Variants in MISFA observed in about 807,000 individuals in gnomAD.
The protein encoded by MISFA is mitochondrial sheath formation-associated protein.
At chr11:18,607,672 G>C in the MISFA span, 1 of 152,390 alleles carries the variant, frequency 6.6e-6, no homozygotes, top group Non-Finnish European at 1.5e-5. Context: ...TGGAAGACAG[G>C]ATTTGGAAAC....
chr11:18,600,199 TTTATTA>T, the MISFA span, among the ~76,000 whole-genome samples: 11 of 152,114 alleles, frequency 7.2e-5, no homozygotes, highest in East Asian at 1.4e-3. Flanking sequence ...TTATTTTTTA[TTTATTA>T]TTATTATTAT....
the MISFA span, chr11:18,601,700 G>T: frequency 2.5e-6 from 1 of 395,144 alleles, no homozygotes; most frequent in Middle Eastern, 6.3e-4. Flanking sequence ...ATAAACCACC[G>T]TGCCTTGCCA....
chr11:18,600,762 C>T, the MISFA span, among the ~76,000 whole-genome samples: 2,446 of 151,980 alleles, frequency 0.016, 56 homozygotes, highest in African/African-American at 0.056. Context: ...CTTCGTGATC[C>T]GCCTGCCTCG....
At chr11:18,604,572 T>C in the MISFA span, among the ~76,000 whole-genome samples, 1 of 150,852 alleles carries the variant, frequency 6.6e-6, no homozygotes, top group Admixed American at 6.6e-5. Context: ...GTGGTTGCAG[T>C]GAGCTGAGAT....
chr11:18,606,683 T>C, the MISFA span: 3 of 411,300 alleles, frequency 7.3e-6, no homozygotes, highest in Admixed American at 3.5e-5. Flanking sequence ...ATTCAATACA[T>C]TGAAAATAAA....
chr11:18,602,604 A>C, the MISFA span: 1 of 152,742 alleles, frequency 6.5e-6, no homozygotes. Flanking sequence ...TATAAAATGA[A>C]AGATTTCTTT....
the MISFA span, among the ~76,000 whole-genome samples, chr11:18,603,495 C>T: frequency 6.6e-6 from 1 of 152,210 alleles, no homozygotes; most frequent in Non-Finnish European, 1.5e-5. Flanking sequence ...CCAAACTTCT[C>T]TCTTCCACAA....
the MISFA span, chr11:18,599,792 C>T: frequency 2.5e-5 from 10 of 393,572 alleles, no homozygotes; most frequent in African/African-American, 2.1e-4. Flanking sequence ...GTTGTGGATC[C>T]TTTGGAGCCA....
At chr11:18,601,301 G>A in the MISFA span, 1 of 397,980 alleles carries the variant, frequency 2.5e-6, no homozygotes, top group Non-Finnish European at 4.4e-6. Context: ...TGTGGAAGGG[G>A]AAATGATTTG....
At chr11:18,609,180 G>T in the MISFA span, 4 of 152,112 alleles carry the variant, frequency 2.6e-5, no homozygotes, top group African/African-American at 9.7e-5. Context: ...ACTTAGAAAA[G>T]AATATTATAC....
chr11:18,604,311 A>ATG, the MISFA span, among the ~76,000 whole-genome samples: 1 of 151,982 alleles, frequency 6.6e-6, no homozygotes, highest in African/African-American at 2.4e-5. Context: ...AGTTGAGTGG[A>ATG]TGGGAGACAA....
the MISFA span, chr11:18,603,117 C>T: frequency 2.5e-6 from 1 of 399,046 alleles, no homozygotes; most frequent in Non-Finnish European, 4.4e-6. Flanking sequence ...GAGAAAGAAG[C>T]CTCATGATGA....
At chr11:18,607,075 C>T in the MISFA span, 11 of 215,980 alleles carry the variant, frequency 5.1e-5, no homozygotes, top group Admixed American at 4.5e-4. Flanking sequence ...GTTGGCCAGG[C>T]TGGTCTCGAA....
the MISFA span, chr11:18,601,091 G>T: frequency 2.5e-6 from 1 of 398,650 alleles, no homozygotes; most frequent in Middle Eastern, 6.3e-4. Context: ...TTCTGATTCA[G>T]CCTCCAACTC....
chr11:18,605,129 G>A, the MISFA span, among the ~76,000 whole-genome samples: 41 of 152,180 alleles, frequency 2.7e-4, no homozygotes, highest in African/African-American at 9.9e-4. Context: ...AGTAATCCTA[G>A]CTACTTGGGA....
chr11:18,602,864 C>T, the MISFA span: 1 of 349,030 alleles, frequency 2.9e-6, no homozygotes, highest in East Asian at 4.2e-5. Context: ...CCCTGGCCAA[C>T]CATCCCATAG....
the MISFA span, among the ~76,000 whole-genome samples, chr11:18,604,205 C>T: frequency 3.0e-4 from 45 of 151,966 alleles, no homozygotes; most frequent in African/African-American, 1.1e-3. Flanking sequence ...GGATTACAGG[C>T]GTGAGCCAAT....
chr11:18,609,058 GAATAA>G, the MISFA span: 1 of 152,134 alleles, frequency 6.6e-6, no homozygotes, highest in African/African-American at 2.4e-5. Flanking sequence ...TCTAATGTTT[GAATAA>G]AATATTTTTT....
chr11:18,601,227 A>G, the MISFA span: 2 of 398,578 alleles, frequency 5.0e-6, no homozygotes, highest in African/African-American at 2.1e-5. Flanking sequence ...CCCTTTCCAA[A>G]GTACTTGGTA....
Sources: allele counts gnomAD v4.1 joint callset (sites outside exome capture counted in the v4.1 genomes callset), GRCh38; gene constraint gnomAD v4.1.1; transcripts MANE v1.5; gene names NCBI Gene and HGNC (gene_info 2026-07-23, HGNC 2026-07-21).